CSMD1: variants seen among roughly 807,000 people sequenced by gnomAD.
CSMD1 encodes CUB and sushi domain-containing protein 1.
CSMD1 carries 213 observed loss-of-function variants against 417.5 expected under a neutral mutation model. That is an observed-to-expected ratio of 0.51 (90% CI 0.46 to 0.57). CSMD1 has a LOEUF of 0.57. CSMD1 is among the 20% of genes least tolerant of loss of function. CSMD1 has a pLI of 0.00. For synonymous variants in CSMD1, 2,862 were observed against 1,736.8 expected (o/e 1.65, Z -16.11); for missense variants, 6,923 against 4,529.7 (o/e 1.53, Z -15.17).
intron 17 of CSMD1, among the ~76,000 whole-genome samples, chr8:3,391,121 C>T (rs938508698): frequency 1.3e-5 from 2 of 152,084 alleles, no homozygotes; most frequent in South Asian, 2.1e-4. Flanking sequence ...CCATTACATC[C>T]CGACCACTCT....
At chr8:3,172,752 C>G (rs1820660475) in intron 37 of CSMD1, among the ~76,000 whole-genome samples, 1 of 152,152 alleles carries the variant, frequency 6.6e-6, no homozygotes, top group African/African-American at 2.4e-5. Context: ...AAAAACAAAC[C>G]AAACATCGTC....
At chr8:3,741,757 TG>T in intron 6 of CSMD1, among the ~76,000 whole-genome samples, 1 of 152,226 alleles carries the variant, frequency 6.6e-6, no homozygotes, top group Middle Eastern at 3.4e-3. Context: ...CAGTGGTGGT[TG>T]AATTTATTTG....
chr8:3,658,576 A>T (rs1433909060), intron 7 of CSMD1, among the ~76,000 whole-genome samples: 4 of 151,614 alleles, frequency 2.6e-5, no homozygotes, highest in African/African-American at 9.7e-5. Flanking sequence ...TGAGGTCAGG[A>T]GTTTGAGACC....
chr8:4,128,342 C>A (rs552654150), intron 3 of CSMD1, among the ~76,000 whole-genome samples: 1 of 152,108 alleles, frequency 6.6e-6, no homozygotes, highest in Admixed American at 6.5e-5. Flanking sequence ...GAGACAAGAA[C>A]GTGAACCAAG....
intron 3 of CSMD1, among the ~76,000 whole-genome samples, chr8:4,326,676 A>T (rs1001790079): frequency 9.9e-5 from 15 of 152,218 alleles, no homozygotes; most frequent in African/African-American, 2.9e-4. Context: ...CCAAAGGAAA[A>T]GGTCTGGACT....
intron 2 of CSMD1, among the ~76,000 whole-genome samples, chr8:4,552,853 G>A (rs1268432678): frequency 2.0e-5 from 3 of 152,166 alleles, no homozygotes; most frequent in Non-Finnish European, 4.4e-5. Flanking sequence ...GGATGTTTGT[G>A]AAAATCTAGC....
intron 3 of CSMD1, among the ~76,000 whole-genome samples, chr8:4,243,703 A>G (rs1487492486): frequency 1.3e-5 from 2 of 152,178 alleles, no homozygotes; most frequent in Non-Finnish European, 1.5e-5. Context: ...ATCTCATGGT[A>G]TCGTACATCC....
chr8:3,673,286 G>A (rs551608716), intron 7 of CSMD1, among the ~76,000 whole-genome samples: 47 of 152,170 alleles, frequency 3.1e-4, no homozygotes, highest in African/African-American at 1.0e-3. Flanking sequence ...TCTCAAATCC[G>A]TATCCTCTAC....
chr8:4,825,580 G>C (rs1318726931), intron 1 of CSMD1, among the ~76,000 whole-genome samples: 1 of 120,188 alleles, frequency 8.3e-6, no homozygotes, highest in Non-Finnish European at 1.9e-5. Context: ...CTTCATACAA[G>C]TGGGATCAAA....
intron 52 of CSMD1, among the ~76,000 whole-genome samples, chr8:3,004,191 C>T (rs1807673476): frequency 1.3e-5 from 2 of 152,136 alleles, no homozygotes; most frequent in Non-Finnish European, 2.9e-5. Context: ...GTGGACCTTA[C>T]ACTATGATGC....
intron 10 of CSMD1, among the ~76,000 whole-genome samples, chr8:3,532,189 C>T (rs532511281): frequency 4.6e-5 from 7 of 152,298 alleles, no homozygotes; most frequent in African/African-American, 1.2e-4. Context: ...CTCTAAACCT[C>T]ACCCTTAGTA....
At chr8:3,227,786 G>A (rs961988081) in intron 27 of CSMD1, among the ~76,000 whole-genome samples, 1 of 121,194 alleles carries the variant, frequency 8.3e-6, no homozygotes, top group Admixed American at 8.7e-5. Context: ...TTTTTTTTTT[G>A]AGACAGAGTC....
At chr8:2,970,068 G>C (rs1226468676) in intron 57 of CSMD1, among the ~76,000 whole-genome samples, 4 of 152,096 alleles carry the variant, frequency 2.6e-5, no homozygotes, top group Non-Finnish European at 5.9e-5. Flanking sequence ...ACTTTTAAAT[G>C]TCTAACTTTA....
intron 1 of CSMD1, among the ~76,000 whole-genome samples, chr8:4,672,772 T>C (rs1794012853): frequency 6.6e-6 from 1 of 151,596 alleles, no homozygotes; most frequent in Non-Finnish European, 1.5e-5. Flanking sequence ...CATGCATACA[T>C]GGTGACATGA....
chr8:4,010,412 T>A (rs565970674), intron 4 of CSMD1, among the ~76,000 whole-genome samples: 1 of 152,276 alleles, frequency 6.6e-6, no homozygotes, highest in Non-Finnish European at 1.5e-5. Flanking sequence ...TCTGCACAAA[T>A]TCTCGGTCAT....
intron 7 of CSMD1, among the ~76,000 whole-genome samples, chr8:3,617,577 T>A (rs186509600): frequency 6.5e-4 from 99 of 152,326 alleles, no homozygotes; most frequent in African/African-American, 2.3e-3. Flanking sequence ...CATTACAGGA[T>A]GCTAATAAAG....
At chr8:4,811,128 G>C (rs576562849) in intron 1 of CSMD1, among the ~76,000 whole-genome samples, 79 of 152,288 alleles carry the variant, frequency 5.2e-4, no homozygotes, top group African/African-American at 1.8e-3. Context: ...ACACATAAAT[G>C]ATCAAGTGAG....
intron 3 of CSMD1, among the ~76,000 whole-genome samples, chr8:4,106,711 T>G (rs571531715): frequency 1.3e-3 from 192 of 152,314 alleles, no homozygotes; most frequent in African/African-American, 4.5e-3. Flanking sequence ...AGATCTGATG[T>G]GCGTTTTATA....
intron 18 of CSMD1, among the ~76,000 whole-genome samples, chr8:3,377,013 G>C (rs140694190): frequency 4.7e-4 from 72 of 152,256 alleles, no homozygotes; most frequent in African/African-American, 1.7e-3. Context: ...TTTAGTAATA[G>C]CTCTTTCTTT....
Sources: allele counts gnomAD v4.1 joint callset (sites outside exome capture counted in the v4.1 genomes callset), GRCh38; gene constraint gnomAD v4.1.1; transcripts MANE v1.5; gene names NCBI Gene and HGNC (gene_info 2026-07-23, HGNC 2026-07-21).